The following NAF1 variants were observed in gnomAD, a reference collection of about 807,000 sequenced individuals.
NAF1 encodes the protein nuclear assembly factor 1 ribonucleoprotein, also known as H/ACA ribonucleoprotein complex non-core subunit NAF1.
A neutral mutation model predicts 40.6 loss-of-function variants in NAF1; 11 were observed. The ratio of observed to expected loss-of-function variants is 0.27; its 90% CI spans 0.17 to 0.45. NAF1 has a LOEUF of 0.45. NAF1 is among the 20% of genes least tolerant of loss of function. NAF1 has a pLI of 1.00. For synonymous variants in NAF1, 260 were observed against 228.5 expected (o/e 1.14, Z -1.24); for missense variants, 607 against 611.1 (o/e 0.99, Z 0.07).
In NAF1 at chr4:163,140,351, T is replaced by C. The variant is rs561225500; in HGVS notation, c.750A>G (p.Pro250=). 6 of 1,607,522 alleles carry C rather than the reference T, an allele frequency of 3.7e-6. No homozygotes were observed. The African/African-American group carries it at 5.4e-5, about 14-fold the overall frequency. Residue 250 remains proline (P), a synonymous_variant, in exon 5 of 8, where the codon CCA becomes CCG. Transcript: ENST00000274054. ...IFEIFGPVAH[P]FYVLRFNSSD... is the part of the protein sequence containing the mutation. The stretch of plus-strand genomic sequence containing the variant: ...AAGAATTAAACCGTAACACATAAAA[T>C]GGATGTGCAACAGGTCCAAATATCT...
At chr4:163,143,524 C>A (rs1039505327) in intron 4 of NAF1, among the ~76,000 whole-genome samples, 1 of 152,158 alleles carries the variant, frequency 6.6e-6, no homozygotes, top group Non-Finnish European at 1.5e-5. Flanking sequence ...GTACTCTCCT[C>A]CCCCTCTCCA....
At chr4:163,114,654 A>G (rs571435680) in intron 2 of NAF1, among the ~76,000 whole-genome samples, 42 of 152,234 alleles carry the variant, frequency 2.8e-4, no homozygotes, top group African/African-American at 9.1e-4. Context: ...TTTTATATCT[A>G]CATTTGTGAG....
chr4:163,111,256 G>A (rs1352523642), intron 2 of NAF1, among the ~76,000 whole-genome samples: 1 of 152,136 alleles, frequency 6.6e-6, no homozygotes, highest in East Asian at 1.9e-4. Flanking sequence ...AGGAAGTAGT[G>A]GGAAAATGTC....
intron 2 of NAF1, among the ~76,000 whole-genome samples, chr4:163,150,645 T>C (rs1731662371): frequency 5.3e-5 from 8 of 152,074 alleles, no homozygotes; most frequent in Admixed American, 3.3e-4. Flanking sequence ...CTTAGGATAT[T>C]CCACTTTTAT....
chr4:163,143,927 C>T (rs2110951619), intron 4 of NAF1: 1 of 655,494 alleles, frequency 1.5e-6, no homozygotes, highest in Non-Finnish European at 1.9e-6. Flanking sequence ...ATTAGTTAGG[C>T]AAACTGATCA....
At chr4:163,152,262 TGA>T (rs757357093) in intron 2 of NAF1, among the ~76,000 whole-genome samples, 76 of 152,344 alleles carry the variant, frequency 5.0e-4, no homozygotes, top group Admixed American at 1.6e-3. Flanking sequence ...AAATAAGTGT[TGA>T]GTTTCATCAA....
At chr4:163,131,440 T>A (rs962835673) in intron 7 of NAF1, among the ~76,000 whole-genome samples, 5 of 152,088 alleles carry the variant, frequency 3.3e-5, no homozygotes, top group Non-Finnish European at 5.9e-5. Context: ...CAGCAAGACA[T>A]TTGTTGATGT....
At chr4:163,114,092 A>C (rs6813613) in intron 2 of NAF1, among the ~76,000 whole-genome samples, 18,404 of 152,272 alleles carry the variant, frequency 0.12, 1,206 homozygotes, top group Non-Finnish European at 0.14. Flanking sequence ...GAAAGACTGG[A>C]AGAGAATGGA....
At chr4:163,161,821 T>C (rs1732236310) in intron 2 of NAF1, among the ~76,000 whole-genome samples, 1 of 152,340 alleles carries the variant, frequency 6.6e-6, no homozygotes, top group African/African-American at 2.4e-5. Flanking sequence ...CTGTGAAAGA[T>C]AAACCATTCC....
At position 163,166,764 on chromosome 4, in the gene NAF1, G is replaced by C; in HGVS notation, c.-37C>G. ...AGAAACCGGGTCGGCCTCAGGATTG[G>C]GGCCCCTGGACAAGCTCACGGCTCT... On this transcript the variant is annotated 5_prime_UTR_variant, in exon 1 of 8. Coordinates refer to ENST00000274054, the MANE Select transcript of NAF1 (RefSeq NM_138386.3). 6.2e-7 allele frequency: 1 copy of C among 1,611,032 alleles called. No individual in the cohort carries two copies.
downstream of NAF1, among the ~76,000 whole-genome samples, chr4:163,105,880 TCTG>T (rs1342313615): frequency 6.6e-6 from 1 of 152,198 alleles, no homozygotes; most frequent in East Asian, 1.9e-4. Context: ...TAATTCAACT[TCTG>T]CTGAGAATTA....
chr4:163,127,350 G>T (rs145291790), downstream of NAF1, among the ~76,000 whole-genome samples: 1 of 151,908 alleles, frequency 6.6e-6, no homozygotes, highest in Non-Finnish European at 1.5e-5. Flanking sequence ...GGCTGGTCTC[G>T]AACTCCTGAC....
chr4:163,157,375 C>A (rs757723846), intron 2 of NAF1: 1 of 152,054 alleles, frequency 6.6e-6, no homozygotes, highest in Non-Finnish European at 1.5e-5. Context: ...TGGAATGTAT[C>A]TATTACCAGT....
intron 3 of NAF1, among the ~76,000 whole-genome samples, chr4:163,147,630 C>T (rs1373746871): frequency 6.6e-6 from 1 of 152,122 alleles, no homozygotes; most frequent in Non-Finnish European, 1.5e-5. Flanking sequence ...AGCAGAATGG[C>T]TCCCCAAGAG....
chr4:163,105,504 A>G (rs918361385), downstream of NAF1, among the ~76,000 whole-genome samples: 25 of 152,258 alleles, frequency 1.6e-4, no homozygotes, highest in African/African-American at 6.0e-4. Flanking sequence ...AAAATGCGTC[A>G]GCTATTTAAT....
At chr4:163,148,583 G>C (rs1731570785) in intron 2 of NAF1, 149 bp from the exon 3 acceptor site, 4 of 557,668 alleles carry the variant, frequency 7.2e-6, no homozygotes, top group Non-Finnish European at 1.2e-5. Context: ...AGTGGTTGCA[G>C]ACTTGTGATA....
intron 4 of NAF1, among the ~76,000 whole-genome samples, chr4:163,143,615 A>C (rs1254427172): frequency 3.3e-5 from 5 of 152,036 alleles, no homozygotes; most frequent in Non-Finnish European, 5.9e-5. Flanking sequence ...CTAGGAGGGG[A>C]CTAGGTAAAT....
At chr4:163,113,983 AG>A (rs1300254558) in intron 2 of NAF1, among the ~76,000 whole-genome samples, 1 of 152,210 alleles carries the variant, frequency 6.6e-6, no homozygotes, top group South Asian at 2.1e-4. Flanking sequence ...GTATTAGCCA[AG>A]ATTCGGTCAG....
intron 6 of NAF1, chr4:163,133,664 A>G (rs1367195545): frequency 6.3e-6 from 1 of 157,912 alleles, no homozygotes; most frequent in Non-Finnish European, 1.4e-5. Context: ...GCACTGTTCT[A>G]AACATTTCAC....
Sources: allele counts gnomAD v4.1 joint callset (sites outside exome capture counted in the v4.1 genomes callset), GRCh38; gene constraint gnomAD v4.1.1; transcripts MANE v1.5; gene names NCBI Gene and HGNC (gene_info 2026-07-23, HGNC 2026-07-21).